Variants in PSG4 observed in about 807,000 individuals in gnomAD.
PSG4 encodes the protein pregnancy specific beta-1-glycoprotein 4, also known as pregnancy-specific beta-1-glycoprotein 4.
PSG4 carries 61 observed loss-of-function variants against 44.3 expected under a neutral mutation model. The ratio of observed to expected loss-of-function variants is 1.38; its 90% CI spans 1.12 to 1.70. PSG4 has a LOEUF of 1.70. Ranked by LOEUF, PSG4 falls within the 40% of genes most tolerant of loss-of-function variation. PSG4 has a pLI of 0.00. For synonymous variants in PSG4, 248 were observed against 191.3 expected (o/e 1.30, Z -2.45); for missense variants, 677 against 511.7 (o/e 1.32, Z -3.12).
intron 3 of PSG4, 31 bp from the exon 4 acceptor site, chr19:43,195,304 G>C (rs994726902): frequency 6.2e-6 from 10 of 1,603,210 alleles, no homozygotes; most frequent in Non-Finnish European, 8.5e-6. Flanking sequence ...AGATTGTCCT[G>C]TGTGGCACCT....
intron 2 of PSG4, among the ~76,000 whole-genome samples, chr19:43,201,945 C>T (rs1342694917): frequency 6.9e-6 from 1 of 144,200 alleles, no homozygotes; most frequent in Non-Finnish European, 1.5e-5. Flanking sequence ...AGGGAAAGAG[C>T]CCTTGAAGGG....
chr19:43,193,762 A>T, intron 5 of PSG4: 1 of 532,076 alleles, frequency 1.9e-6, no homozygotes. Flanking sequence ...TATATTCTTG[A>T]ATATAACATC....
rs534757157 is a variant in PSG4 at position 43,198,658 on chromosome 19, C to T, written c.431-383G>A. 56 of 208,418 alleles carry T rather than the reference C, an allele frequency of 2.7e-4. 4 individuals are homozygous for T. The highest frequency in any genetic ancestry group is 1.8e-3 in the East Asian group (12 of 6,674). The allele number at this position is 208,418 out of a possible 1,614,324, so 12.9% of individuals were successfully genotyped here. A position where few individuals can be genotyped will look rare whatever the true frequency, so the allele number is the denominator to read the frequency against. The stretch of plus-strand genomic sequence containing the variant: ...TCTTCTTAGTTTCAGTCTTACTTTG[C>T]CCCCCGAGGTATGTTTTCTCTGCAG... On this transcript the variant is annotated intron_variant, in intron 2 of 5. Coordinates refer to ENST00000405312, the MANE Select transcript of PSG4 (RefSeq NM_002780.5).
intron 3 of PSG4, among the ~76,000 whole-genome samples, chr19:43,197,006 T>A (rs1967278849): frequency 6.8e-6 from 1 of 146,834 alleles, no homozygotes. Context: ...CGTCTTTAAT[T>A]TCTTTCAGCA....
At chr19:43,205,354 A>G (rs1967735789) in intron 1 of PSG4, 119 bp downstream of exon 1, 1 of 1,239,476 alleles carries the variant, frequency 8.1e-7, no homozygotes. Flanking sequence ...TGATCCACCC[A>G]ACTCAGCCTC....
chr19:43,197,701 A>C, intron 3 of PSG4: 3 of 527,544 alleles, frequency 5.7e-6, no homozygotes, highest in African/African-American at 2.2e-5. Flanking sequence ...CGCAACACTG[A>C]AGTCCCAGCC....
Position 43,194,097 on chromosome 19 carries a change from T to C in PSG4, c.1243+243A>G, listed in dbSNP as rs368366383. 7.1e-6 allele frequency: 9 copies of C among 1,266,368 alleles called. No individual in the cohort carries two copies. The African/African-American group carries it at 1.2e-4, about 17-fold the overall frequency. 78.4% of individuals were successfully genotyped at this position (1,266,368 alleles called of 1,614,324 possible). On this transcript the variant is annotated intron_variant, in intron 5 of 5. Coordinates refer to ENST00000405312, the MANE Select transcript of PSG4 (RefSeq NM_002780.5). ...AAATATTATCCTCAATATTGTCAAT[T>C]ATTTCAATGAAATCAATGTTTCTCC...
At chr19:43,205,111 C>CTTTTTTTTTTT (rs59165427) in intron 1 of PSG4, among the ~76,000 whole-genome samples, 2,280 of 90,652 alleles carry the variant, frequency 0.025, 432 homozygotes, top group African/African-American at 0.077. Context: ...TTCCTTTTTT[C>CTTTTTTTTTTT]TTTTTTTTTT....
chr19:43,205,325 T>C lies in PSG4; in HGVS notation c.64+148A>G, dbSNP rs1490292830. 1.6e-5 allele frequency: 16 copies of C among 1,024,682 alleles called. 1 individual carries two copies. Among genetic ancestry groups the C allele is most frequent in the South Asian group, 1.2e-4 (8 of 68,338 alleles). 63.5% of individuals were successfully genotyped at this position (1,024,682 alleles called of 1,614,324 possible). A position where few individuals can be genotyped will look rare whatever the true frequency, so the allele number is the denominator to read the frequency against. ...GGCTTCACAGTGTTGGCCAGACTGA[T>C]CTTGAACTCCTGATCTCCTGATCCA... On this transcript the variant is annotated intron_variant, in intron 1 of 5. Coordinates refer to ENST00000405312, the MANE Select transcript of PSG4 (RefSeq NM_002780.5).
intron 1 of PSG4, chr19:43,204,639 C>T (rs1967676363): frequency 8.2e-6 from 2 of 244,266 alleles, no homozygotes; most frequent in South Asian, 1.0e-4. Context: ...CTCCTCCCTC[C>T]AGGGTTCTTG....
chr19:43,199,111 C>T lies in PSG4; in HGVS notation c.431-836G>A, dbSNP rs375049175. ...ATGCAGAACTGACTGGTGGAAAGGG[C>T]GAACATGAACAGATGATGGAAGTCT... On this transcript the variant is annotated intron_variant, in intron 2 of 5. Transcript: ENST00000405312. Among the ~76,000 whole-genome samples, 80 of 146,152 alleles carry T rather than the reference C, an allele frequency of 5.5e-4. 14 individuals carry two copies. The East Asian group carries it at 0.015, about 27-fold the overall frequency.
At chr19:43,195,766 G>C (rs1338575402) in intron 3 of PSG4, among the ~76,000 whole-genome samples, 2 of 150,712 alleles carry the variant, frequency 1.3e-5, no homozygotes, top group Non-Finnish European at 3.0e-5. Context: ...TGAGCAGTCT[G>C]GCCTGGGACT....
Position 43,194,113 on chromosome 19 carries a change from A to G in PSG4, c.1243+227T>C, listed in dbSNP as rs73934970. 2,631 of 1,326,788 alleles carry G rather than the reference A, an allele frequency of 2.0e-3. 102 individuals are homozygous for G. The African/African-American group carries it at 0.024, about 12-fold the overall frequency. 82.2% of individuals were successfully genotyped at this position (1,326,788 alleles called of 1,614,324 possible). On this transcript the variant is annotated intron_variant, in intron 5 of 5. Transcript: ENST00000405312. ...ATTGTCAATTATTTCAATGAAATCA[A>G]TGTTTCTCCTGCTTGGTCTAGGCTG... is the stretch of plus-strand genomic sequence containing the variant.
Position 43,198,016 on chromosome 19 carries a change from T to C in PSG4, c.690A>G (p.Pro230=), listed in dbSNP as rs541286633. 1 of 1,587,816 alleles carries C rather than the reference T, an allele frequency of 6.3e-7. No homozygotes were observed. Among genetic ancestry groups the C allele is most frequent in the Middle Eastern group, 1.7e-4 (1 of 5,964 alleles). The change falls in exon 3 of 6, where the codon CCA becomes CCG. Residue 230 remains proline, a synonymous_variant. Transcript: ENST00000405312. The stretch of plus-strand genomic sequence containing the variant: ...ACTCACGGAGGAGATTCAGGGTGAC[T>C]GGGTCACTGCGGCTGGCACTCACTG... ...RNPVSASRSD[P]VTLNLLPKLS... is the part of the protein sequence containing the mutation.
Position 43,197,296 on chromosome 19 carries a change from G to A in PSG4, c.709+701C>T, listed in dbSNP as rs1480273219. On this transcript the variant is annotated intron_variant, in intron 3 of 5. Coordinates refer to ENST00000405312, the MANE Select transcript of PSG4 (RefSeq NM_002780.5). ...GTGGCTTTTCCCTGATAGCTAGATA[G>A]ACTTCACTGGAAAACATATTGCCAA... Among the ~76,000 whole-genome samples the A allele has an allele frequency of 4.1e-5, 6 of 145,542 alleles. 1 individual carries two copies. The highest frequency in any genetic ancestry group is 7.4e-5 in the Non-Finnish European group (5 of 67,190).
chr19:43,194,218 T>A, intron 5 of PSG4, 122 bp downstream of exon 5: 1 of 1,584,584 alleles, frequency 6.3e-7, no homozygotes, highest in Non-Finnish European at 8.6e-7. Context: ...GGAGTAGAAT[T>A]TGGGATTTGC....
chr19:43,195,110 T>G lies in PSG4; in HGVS notation c.873A>C (p.Glu291Asp). ...CATTGGGTAGAATGAGGATCCTGTTTTCAATGGGTCGCTTTACCCTGGGAC... is the reference window on the plus strand; with the variant it reads ...CATTGGGTAGAATGAGGATCCTGTTGTCAATGGGTCGCTTTACCCTGGGAC... ...PVSPRVKRPI[E>D]NRILILPNVT... Residue 291 changes from glutamate to aspartate, a missense_variant, in exon 4 of 6, where the codon GAA (glutamate) becomes GAC (aspartate). Physicochemically the swap from Glu to Asp is conservative, Grantham distance 45 (BLOSUM62 2). Coordinates refer to ENST00000405312, the MANE Select transcript of PSG4 (RefSeq NM_002780.5). The G allele has an allele frequency of 6.2e-7, 1 of 1,610,842 alleles. No individual in the cohort carries two copies. Among genetic ancestry groups the G allele is most frequent in the Non-Finnish European group, 8.5e-7 (1 of 1,179,070 alleles).
chr19:43,197,897 G>A lies in PSG4; in HGVS notation c.709+100C>T. The A allele has an allele frequency of 7.0e-6, 11 of 1,576,080 alleles. 1 individual carries two copies. The highest frequency in any genetic ancestry group is 1.5e-5 in the African/African-American group (1 of 67,590). On this transcript the variant is annotated intron_variant, in intron 3 of 5. Coordinates refer to ENST00000405312, the MANE Select transcript of PSG4 (RefSeq NM_002780.5). ...GCCAGCTTTGATGTCTAGGGGTAAA[G>A]GTCTCTGTACTTGGACCTGAGAGGG... is the stretch of plus-strand genomic sequence containing the variant.
At chr19:43,203,794 C>G in intron 2 of PSG4, 92 bp downstream of exon 2, 1 of 1,538,688 alleles carries the variant, frequency 6.5e-7, no homozygotes, top group South Asian at 1.2e-5. Context: ...CAGAGAGGGA[C>G]ACAGGCAGAG....
Sources: allele counts gnomAD v4.1 joint callset (sites outside exome capture counted in the v4.1 genomes callset), GRCh38; gene constraint gnomAD v4.1.1; transcripts MANE v1.5; gene names NCBI Gene and HGNC (gene_info 2026-07-23, HGNC 2026-07-21).